Variants in ABCC4 observed in about 807,000 individuals in gnomAD.
The protein encoded by ABCC4 is ATP binding cassette subfamily C member 4 (PEL blood group), also known as ATP-binding cassette sub-family C member 4.
Under a neutral mutation model 168.5 loss-of-function variants are expected in ABCC4, and 102 were observed. The observed-to-expected ratio is 0.61, with a 90% CI of 0.52 to 0.71. ABCC4 has a LOEUF of 0.71. Among genes scored for constraint, ABCC4 ranks in the 30% least tolerant of loss-of-function variants. The probability of loss-of-function intolerance (pLI) is 0.00; values close to 1 mark genes in which losing one functional copy is unlikely to be tolerated. For missense variants in ABCC4, 1,402 were observed against 1,605.8 expected, an observed-to-expected ratio of 0.87 and a Z score of 2.17; for synonymous variants, 617 against 590.7, an observed-to-expected ratio of 1.04 and a Z score of -0.65.
chr13:95,029,188 A>ATCTATC lies in ABCC4; in HGVS notation c.3870+5416_3870+5417insGATAGA, dbSNP rs1566355158. Among the ~76,000 whole-genome samples the ATCTATC allele has an allele frequency of 1.7e-4, 15 of 86,596 alleles. 1 individual carries two copies. Among genetic ancestry groups the ATCTATC allele is most frequent in the African/African-American group, 7.8e-4 (15 of 19,170 alleles). The allele number at this position is 86,596 out of a possible 152,430, so 56.8% of individuals were successfully genotyped here. On this transcript the variant is annotated intron_variant, in intron 30 of 30. Transcript: ENST00000645237. ...AATACATATATATATATATATATAT[A>ATCTATC]TATATATATATATATATATATATAT...
At chr13:95,034,860 G>A in intron 29 of ABCC4, 121 bp from the exon 30 acceptor site, 2 of 1,400,688 alleles carry the variant, frequency 1.4e-6, no homozygotes. Flanking sequence ...GGTAGGCCTG[G>A]ATAGTATTTA....
chr13:95,255,256 C>G (rs1177607805), intron 1 of ABCC4, among the ~76,000 whole-genome samples: 1 of 152,176 alleles, frequency 6.6e-6, no homozygotes, highest in African/African-American at 2.4e-5. Context: ...TGCTCAGACC[C>G]CAAAACCTGA....
chr13:95,205,445 A>G (rs1235229003), intron 8 of ABCC4, among the ~76,000 whole-genome samples: 2 of 152,238 alleles, frequency 1.3e-5, no homozygotes, highest in Admixed American at 1.3e-4. Context: ...GGAATAAAAC[A>G]AAGCAGATTT....
chr13:95,054,895 G>A (rs2032997714), intron 26 of ABCC4, among the ~76,000 whole-genome samples: 2 of 151,724 alleles, frequency 1.3e-5, no homozygotes, highest in South Asian at 2.1e-4. Context: ...TATCGTCTCC[G>A]TTTTAAGGCT....
chr13:95,225,778 A>G (rs1395450706), intron 4 of ABCC4, among the ~76,000 whole-genome samples: 1 of 150,872 alleles, frequency 6.6e-6, no homozygotes, highest in African/African-American at 2.4e-5. Context: ...ATATAAAAAT[A>G]TAAAATATAA....
intron 5 of ABCC4, among the ~76,000 whole-genome samples, chr13:95,210,061 C>G (rs1334499714): frequency 1.3e-5 from 2 of 152,134 alleles, no homozygotes; most frequent in African/African-American, 4.8e-5. Context: ...TGACACTGAG[C>G]GGAGGCTTTA....
chr13:95,206,447 A>C (rs1032093697), intron 8 of ABCC4, 85 bp downstream of exon 8: 11 of 1,537,650 alleles, frequency 7.2e-6, no homozygotes, highest in South Asian at 1.2e-5. Flanking sequence ...ATGTCATTAC[A>C]CTGGAACATA....
intron 1 of ABCC4, among the ~76,000 whole-genome samples, chr13:95,281,274 C>T (rs1198354840): frequency 7.9e-6 from 1 of 125,970 alleles, no homozygotes; most frequent in African/African-American, 3.1e-5. Flanking sequence ...CACACCACTG[C>T]ACTCCTGGGC....
chr13:95,263,444 A>G (rs1416962134), intron 1 of ABCC4, among the ~76,000 whole-genome samples: 1 of 152,182 alleles, frequency 6.6e-6, no homozygotes, highest in Non-Finnish European at 1.5e-5. Context: ...ACAAATATAT[A>G]AATAATATGT....
At chr13:95,124,046 G>A (rs1415273771) in intron 19 of ABCC4, among the ~76,000 whole-genome samples, 1 of 152,210 alleles carries the variant, frequency 6.6e-6, no homozygotes, top group Non-Finnish European at 1.5e-5. Context: ...GACCTAAGGT[G>A]TGCTGATAGG....
intron 19 of ABCC4, among the ~76,000 whole-genome samples, chr13:95,143,643 CAAGG>C (rs1338963759): frequency 6.6e-5 from 10 of 152,150 alleles, no homozygotes; most frequent in Admixed American, 2.6e-4. Context: ...ACACAAATGC[CAAGG>C]AATAGCTATG....
At chr13:95,109,391 AACACACAC>A (rs61165942) in intron 20 of ABCC4, among the ~76,000 whole-genome samples, 1 of 150,342 alleles carries the variant, frequency 6.7e-6, no homozygotes, top group Non-Finnish European at 1.5e-5. Context: ...CAGGTGTGCA[AACACACAC>A]ACACACACAC....
At chr13:95,080,876 G>A (rs1010740342) in intron 21 of ABCC4, among the ~76,000 whole-genome samples, 6 of 152,112 alleles carry the variant, frequency 3.9e-5, no homozygotes, top group African/African-American at 1.4e-4. Flanking sequence ...GGATGAAGCT[G>A]GATTATGCCT....
At chr13:95,190,092 C>A (rs972343171) in intron 9 of ABCC4, among the ~76,000 whole-genome samples, 1 of 151,886 alleles carries the variant, frequency 6.6e-6, no homozygotes, top group African/African-American at 2.4e-5. Context: ...TGCCTGTAAT[C>A]CCAACATTTT....
intron 19 of ABCC4, among the ~76,000 whole-genome samples, chr13:95,148,596 A>ACACG (rs1436871756): frequency 1.7e-3 from 160 of 91,982 alleles, no homozygotes; most frequent in African/African-American, 8.3e-3. Flanking sequence ...ATCACAACAC[A>ACACG]CACACACACA....
intron 3 of ABCC4, among the ~76,000 whole-genome samples, chr13:95,239,760 T>C (rs752708564): frequency 9.2e-6 from 1 of 109,210 alleles, no homozygotes; most frequent in African/African-American, 2.9e-5. Context: ...TGAAAATCGG[T>C]TTTAAAAAAA....
rs1220367320 is a variant in ABCC4 at position 95,044,457 on chromosome 13, G to T, written c.3457-19C>A. ...GTTGTACCTGTAGATGTACAAAGAA[G>T]AATGACTGCTATCATTCAAGCCGCT... On this transcript the variant is annotated intron_variant, in intron 27 of 30. Coordinates refer to ENST00000645237, the MANE Select transcript of ABCC4 (RefSeq NM_005845.5). The T allele has an allele frequency of 1.3e-6, 2 of 1,588,636 alleles. No homozygotes were observed. The highest frequency in any genetic ancestry group is 2.7e-5 in the African/African-American group (2 of 74,074).
At chr13:95,263,983 T>G (rs2138859119) in intron 1 of ABCC4, among the ~76,000 whole-genome samples, 1 of 152,318 alleles carries the variant, frequency 6.6e-6, no homozygotes, top group South Asian at 2.1e-4. Context: ...CTGAACTATC[T>G]TTTTGTGCCA....
intron 19 of ABCC4, among the ~76,000 whole-genome samples, chr13:95,117,508 G>A (rs951908828): frequency 7.1e-6 from 1 of 140,790 alleles, no homozygotes; most frequent in African/African-American, 2.8e-5. Flanking sequence ...CAAGAGGTCA[G>A]GCTATTATTT....
Sources: gnomAD v4.1 joint callset for allele counts (sites outside exome capture counted in the v4.1 genomes callset) on GRCh38, gnomAD v4.1.1 for gene constraint, MANE v1.5 for transcripts, NCBI Gene and HGNC (gene_info 2026-07-23, HGNC 2026-07-21) for gene names.